RNF220: variants seen among roughly 807,000 people sequenced by gnomAD.
RNF220 encodes the protein E3 ubiquitin-protein ligase RNF220.
In RNF220, 7 loss-of-function variants were observed where a neutral mutation model predicts 67.1. The ratio of observed to expected loss-of-function variants is 0.10; its 90% confidence interval spans 0.06 to 0.20. The LOEUF (loss-of-function observed/expected upper bound fraction) is 0.20, where lower values mean the gene tolerates loss of function less well. RNF220 is among the 10% of genes least tolerant of loss of function. The probability of loss-of-function intolerance (pLI) is 1.00; values close to 1 mark genes in which losing one functional copy is unlikely to be tolerated. For synonymous variants in RNF220, 270 were observed against 283.2 expected (o/e 0.95, Z 0.47); for missense variants, 565 against 740.3 (o/e 0.76, Z 2.75).
At chr1:44,617,475 T>G (rs1035499470) in intron 3 of RNF220, among the ~76,000 whole-genome samples, 1 of 152,242 alleles carries the variant, frequency 6.6e-6, no homozygotes, top group Non-Finnish European at 1.5e-5. Flanking sequence ...TTCAGGAACT[T>G]GCCAATTAAC....
intron 2 of RNF220, among the ~76,000 whole-genome samples, chr1:44,588,376 G>A (rs1040776650): frequency 2.6e-5 from 4 of 152,200 alleles, no homozygotes; most frequent in South Asian, 2.1e-4. Context: ...GCCAGTAGGC[G>A]AGCTGCTCTT....
chr1:44,407,982 G>T (rs866645448), intron 1 of RNF220, among the ~76,000 whole-genome samples: 5 of 152,218 alleles, frequency 3.3e-5, no homozygotes, highest in Admixed American at 6.5e-5. Flanking sequence ...CTGGACTGGC[G>T]CTTTGGTTGC....
At chr1:44,442,189 A>T (rs184831892) in intron 2 of RNF220, among the ~76,000 whole-genome samples, 5 of 152,056 alleles carry the variant, frequency 3.3e-5, no homozygotes, top group Admixed American at 1.3e-4. Flanking sequence ...AGTTCATGGC[A>T]TGCTCATGGC....
chr1:44,503,799 C>G (rs1373524130), intron 2 of RNF220, among the ~76,000 whole-genome samples: 1 of 152,192 alleles, frequency 6.6e-6, no homozygotes, highest in African/African-American at 2.4e-5. Flanking sequence ...TCAGGCGCCA[C>G]CCTAGGCCTA....
intron 2 of RNF220, among the ~76,000 whole-genome samples, chr1:44,598,178 C>G (rs1264551335): frequency 2.6e-5 from 4 of 151,526 alleles, no homozygotes; most frequent in African/African-American, 9.8e-5. Flanking sequence ...GAGGGGGAAA[C>G]AGGGAGGGGG....
chr1:44,593,625 G>A (rs1279736233), intron 2 of RNF220, among the ~76,000 whole-genome samples: 1 of 151,966 alleles, frequency 6.6e-6, no homozygotes, highest in African/African-American at 2.4e-5. Context: ...AGGAGGCTGA[G>A]GTAAGATGAT....
chr1:44,557,325 G>A (rs1663189452), intron 2 of RNF220, among the ~76,000 whole-genome samples: 1 of 150,042 alleles, frequency 6.7e-6, no homozygotes. Context: ...ATTCTTTCTA[G>A]ACCAGTTCTG....
chr1:44,555,911 T>G (rs953685989), intron 2 of RNF220, among the ~76,000 whole-genome samples: 4 of 150,866 alleles, frequency 2.7e-5, no homozygotes, highest in Non-Finnish European at 4.4e-5. Flanking sequence ...ACACCCTTCT[T>G]GAAGCCTTCC....
At chr1:44,647,318 G>C (rs1411840914) in intron 12 of RNF220, among the ~76,000 whole-genome samples, 1 of 152,202 alleles carries the variant, frequency 6.6e-6, no homozygotes, top group Non-Finnish European at 1.5e-5. Context: ...GTGGAAGGGA[G>C]CACAGCTACA....
chr1:44,431,335 C>G (rs1383545229), intron 2 of RNF220, among the ~76,000 whole-genome samples: 2 of 151,866 alleles, frequency 1.3e-5, no homozygotes, highest in African/African-American at 2.4e-5. Context: ...TCTAAAAATA[C>G]AAAAAGGTAG....
intron 2 of RNF220, among the ~76,000 whole-genome samples, chr1:44,502,043 C>T (rs949363460): frequency 7.3e-6 from 1 of 136,086 alleles, no homozygotes; most frequent in Non-Finnish European, 1.6e-5. Flanking sequence ...GCTGACTTCA[C>T]ACCACTGAAA....
chr1:44,422,023 T>G (rs1434596842), intron 2 of RNF220, among the ~76,000 whole-genome samples: 1 of 152,174 alleles, frequency 6.6e-6, no homozygotes, highest in East Asian at 1.9e-4. Flanking sequence ...CCTTTGGAAG[T>G]AAAGTGTCAC....
chr1:44,554,331 C>CA lies in RNF220; in HGVS notation c.626-59827dup, dbSNP rs141817683. 7.0e-3 allele frequency among the ~76,000 whole-genome samples: 1,056 copies of CA among 151,870 alleles called. 15 individuals are homozygous for CA. The highest frequency in any genetic ancestry group is 0.025 in the African/African-American group (1,022 of 41,426). ...GGTAGGCATTGAGGAGGGACTTGGG[C>CA]AAAAAAATTGAGGAATGCTTGCCAC... is the stretch of plus-strand genomic sequence containing the variant. On this transcript the variant is annotated intron_variant, in intron 2 of 14. Transcript: ENST00000361799.
In RNF220 at chr1:44,564,926, G is replaced by A. The variant is rs145605837; in HGVS notation, c.626-49239G>A. ...TTGTAAGTTCCTTTAGAAAAGGGAC[G>A]ATACCTGAATCAACTCTATCCCCAG... On this transcript the variant is annotated intron_variant, in intron 2 of 14. Coordinates refer to ENST00000361799, the MANE Select transcript of RNF220 (RefSeq NM_018150.4). 4.1e-3 allele frequency among the ~76,000 whole-genome samples: 621 copies of A among 152,208 alleles called. 8 individuals carry two copies. The highest frequency in any genetic ancestry group is 0.024 in the Middle Eastern group (7 of 294).
chr1:44,574,173 A>G (rs902653221), intron 2 of RNF220, among the ~76,000 whole-genome samples: 2 of 152,188 alleles, frequency 1.3e-5, no homozygotes, highest in East Asian at 1.9e-4. Context: ...GAATGAATAA[A>G]TAAATAAGAA....
chr1:44,459,546 C>G (rs114776319), intron 2 of RNF220, among the ~76,000 whole-genome samples: 1 of 150,994 alleles, frequency 6.6e-6, no homozygotes, highest in Non-Finnish European at 1.5e-5. Flanking sequence ...AATCTGAAAC[C>G]CAGGAGACGA....
chr1:44,509,411 G>A (rs949877835), intron 2 of RNF220, among the ~76,000 whole-genome samples: 5 of 151,996 alleles, frequency 3.3e-5, no homozygotes, highest in Non-Finnish European at 5.9e-5. Context: ...TTAGCCAGGC[G>A]TGGTGGTGGG....
At chr1:44,568,958 T>C (rs553219542) in intron 2 of RNF220, among the ~76,000 whole-genome samples, 1 of 152,274 alleles carries the variant, frequency 6.6e-6, no homozygotes, top group South Asian at 2.1e-4. Flanking sequence ...GCTTTGGTCT[T>C]TTTGGCAGTG....
intron 2 of RNF220, among the ~76,000 whole-genome samples, chr1:44,547,107 C>A (rs1662227104): frequency 6.6e-6 from 1 of 152,200 alleles, no homozygotes; most frequent in Admixed American, 6.5e-5. Flanking sequence ...GACACGAGAG[C>A]CCCCAGGATG....
Sources: allele counts gnomAD v4.1 joint callset (sites outside exome capture counted in the v4.1 genomes callset), GRCh38; gene constraint gnomAD v4.1.1; transcripts MANE v1.5; gene names NCBI Gene and HGNC (gene_info 2026-07-23, HGNC 2026-07-21).